CAP1: variants seen among roughly 807,000 people sequenced by gnomAD.
CAP1 encodes cyclase associated actin cytoskeleton regulatory protein 1, also known as adenylyl cyclase-associated protein 1.
In CAP1, 11 loss-of-function variants were observed where a neutral mutation model predicts 58.2. That is an observed-to-expected ratio of 0.19 (90% CI 0.12 to 0.31). The LOEUF is 0.31. Ranked by LOEUF, CAP1 falls within the 10% of genes least tolerant of loss-of-function variation. The probability of loss-of-function intolerance (pLI) is 1.00; values close to 1 mark genes in which losing one functional copy is unlikely to be tolerated. For synonymous variants in CAP1, 183 were observed against 213.8 expected, an observed-to-expected ratio of 0.86 and a Z score of 1.26; for missense variants, 423 against 587.5, an observed-to-expected ratio of 0.72 and a Z score of 2.89.
intron 9 of CAP1, 31 bp downstream of exon 9, chr1:40,069,905 T>C (rs1186951365): frequency 6.6e-7 from 1 of 1,508,924 alleles, no homozygotes; most frequent in African/African-American, 1.4e-5. Context: ...CAGGGGCAGG[T>C]ATTTTTATTA....
intron 12 of CAP1, 144 bp downstream of exon 12, chr1:40,071,123 T>C (rs1647887947): frequency 7.6e-6 from 6 of 789,954 alleles, no homozygotes; most frequent in Non-Finnish European, 1.2e-5. Flanking sequence ...AGAAATGAGG[T>C]AGTCCCATGT....
At position 40,060,035 on chromosome 1, in the gene CAP1, T is replaced by C. The variant is rs905962733; in HGVS notation, c.113-32T>C. The C allele has an allele frequency of 5.8e-6, 9 of 1,561,944 alleles. No individual in the cohort carries two copies. In the African/African-American group the frequency reaches 1.2e-4, roughly 21 times the overall value. On this transcript the variant is annotated intron_variant, in intron 2 of 12. Coordinates refer to ENST00000372805, the MANE Select transcript of CAP1 (RefSeq NM_006367.4). Reference sequence around the variant, plus strand: ...TTTAAAGAAGCCTCCTTCTGATGCATGGCTGATTCTTTGTGGTGTGTTTGT... The same window carrying C: ...TTTAAAGAAGCCTCCTTCTGATGCACGGCTGATTCTTTGTGGTGTGTTTGT...
chr1:40,071,759 TC>T lies in CAP1; in HGVS notation c.*227del, dbSNP rs201511448. On this transcript the variant is annotated 3_prime_UTR_variant, in exon 13 of 13. Coordinates refer to ENST00000372805, the MANE Select transcript of CAP1 (RefSeq NM_006367.4). ...GAAGGTGCAGCTTTTCCATATCAGC[TC>T]AACCACGCCGCCAGTCCATTCTTAA... The T allele has an allele frequency of 7.0e-3, 3,917 of 556,382 alleles. 14 individuals carry two copies. The highest frequency in any genetic ancestry group is 0.011 in the Admixed American group (322 of 30,064). The allele number at this position is 556,382 out of a possible 1,614,324, so 34.5% of individuals were successfully genotyped here.
At chr1:40,062,007 A>G (rs2124367711) in intron 4 of CAP1, among the ~76,000 whole-genome samples, 195 bp downstream of exon 4, 1 of 152,284 alleles carries the variant, frequency 6.6e-6, no homozygotes, top group South Asian at 2.1e-4. Context: ...AATGGTCTCT[A>G]CTGGCTTTTT....
Position 40,071,433 on chromosome 1 carries a change from C to G in CAP1, c.1345-17C>G. ...TTTAGCTCAGATTTAAACCTGCTGTCTCTTCTTTATTTGCAGAATGAATTC... is the reference window on the plus strand; with the variant it reads ...TTTAGCTCAGATTTAAACCTGCTGTGTCTTCTTTATTTGCAGAATGAATTC... On this transcript the variant is annotated splice_polypyrimidine_tract_variant and intron_variant, in intron 12 of 12. Transcript: ENST00000372805. 1 of 1,585,986 alleles carries G rather than the reference C, an allele frequency of 6.3e-7. No individual in the cohort carries two copies. The highest frequency in any genetic ancestry group is 1.1e-5 in the South Asian group (1 of 90,074).
Position 40,067,692 on chromosome 1 carries a change from T to C in CAP1, c.783T>C (p.Ile261=), listed in dbSNP as rs750665088. The C allele has an allele frequency of 1.4e-5, 23 of 1,599,634 alleles. No homozygotes were observed. Among genetic ancestry groups the C allele is most frequent in the Non-Finnish European group, 8.5e-7 (1 of 1,173,042 alleles). The part of the protein sequence containing the change: ...SASRSSLFAQ[I]NQGESITHAL... ...CCCGCTCATCACTGTTCGCGCAGAT[T>C]AATCAGGGGGAGAGCATTACACATG... The change falls in exon 8 of 13, where the codon ATT becomes ATC. Residue 261 remains isoleucine (I), a synonymous_variant. Coordinates refer to ENST00000372805, the MANE Select transcript of CAP1 (RefSeq NM_006367.4).
chr1:40,064,106 T>G (rs1646973050), intron 4 of CAP1, 121 bp from the exon 5 acceptor site: 1 of 856,228 alleles, frequency 1.2e-6, no homozygotes, highest in East Asian at 2.5e-5. Context: ...AGGACAGGAC[T>G]CATGCAGTTT....
At chr1:40,056,770 G>A (rs561008082) in intron 1 of CAP1, among the ~76,000 whole-genome samples, 2 of 152,084 alleles carry the variant, frequency 1.3e-5, no homozygotes, top group East Asian at 1.9e-4. Flanking sequence ...AAGAATGTAC[G>A]TGTGTATAGA....
At chr1:40,071,063 C>T (rs1647863143) in intron 12 of CAP1, 84 bp downstream of exon 12, 4 of 1,300,296 alleles carry the variant, frequency 3.1e-6, no homozygotes, top group Non-Finnish European at 3.2e-6. Flanking sequence ...ATTTTATGAA[C>T]ATTCTGCACT....
At chr1:40,049,255 C>T (rs1043551000) in intron 1 of CAP1, among the ~76,000 whole-genome samples, 13 of 135,764 alleles carry the variant, frequency 9.6e-5, no homozygotes, top group Admixed American at 2.5e-4. Flanking sequence ...GGCGCGATCT[C>T]GGCTCACTGC....
In CAP1 at chr1:40,055,043, C is replaced by T. The variant is rs536524963; in HGVS notation, c.-10-4294C>T. Among the ~76,000 whole-genome samples the T allele has an allele frequency of 1.2e-4, 19 of 152,282 alleles. No homozygotes were observed. The South Asian group carries it at 1.7e-3, about 13-fold the overall frequency. On this transcript the variant is annotated intron_variant, in intron 1 of 12. Coordinates refer to ENST00000372805, the MANE Select transcript of CAP1 (RefSeq NM_006367.4). ...GTAGCACATACTAGAAATACTTCCC[C>T]AGGAGGTGATAACTTAGCTGAGACT...
intron 1 of CAP1, among the ~76,000 whole-genome samples, chr1:40,057,011 C>T (rs1016725401): frequency 4.6e-5 from 7 of 151,964 alleles, no homozygotes; most frequent in Admixed American, 2.0e-4. Context: ...AGTCAGACAG[C>T]GGAACTTTAG....
At chr1:40,046,555 A>T (rs1646115547) in intron 1 of CAP1, among the ~76,000 whole-genome samples, 1 of 152,234 alleles carries the variant, frequency 6.6e-6, no homozygotes, top group Non-Finnish European at 1.5e-5. Flanking sequence ...TGATAAAATT[A>T]TACAGTCATG....
chr1:40,064,518 C>T lies in CAP1; in HGVS notation c.483C>T (p.Ala161=). The change falls in exon 6 of 13, where the codon GCC becomes GCT. Residue 161 remains alanine (A), a synonymous_variant. Coordinates refer to ENST00000372805, the MANE Select transcript of CAP1 (RefSeq NM_006367.4). The part of the protein sequence containing the change: ...GPYVKEMNDA[A]MFYTNRVLKE... ...ATGTGAAAGAAATGAATGATGCCGCCATGTTTTATACAAACCGAGTCCTCA... is the reference window on the plus strand; with the variant it reads ...ATGTGAAAGAAATGAATGATGCCGCTATGTTTTATACAAACCGAGTCCTCA... The T allele has an allele frequency of 1.9e-6, 3 of 1,613,844 alleles. No homozygotes were observed. The South Asian group carries it at 3.3e-5, about 18-fold the overall frequency.
At chr1:40,063,999 A>G (rs1158492708) in intron 4 of CAP1, among the ~76,000 whole-genome samples, 1 of 152,202 alleles carries the variant, frequency 6.6e-6, no homozygotes, top group African/African-American at 2.4e-5. Context: ...TAGCTGAAGT[A>G]TGGGTCCTGA....
upstream of CAP1, chr1:40,040,572 C>G (rs1400653913): frequency 6.5e-6 from 1 of 152,728 alleles, no homozygotes; most frequent in Non-Finnish European, 1.5e-5. Flanking sequence ...TCTGTGAGAG[C>G]CGGGCCGCTC....
At chr1:40,051,232 A>G (rs1402460829) in intron 1 of CAP1, among the ~76,000 whole-genome samples, 4 of 152,216 alleles carry the variant, frequency 2.6e-5, no homozygotes, top group African/African-American at 4.8e-5. Flanking sequence ...CCCTAATCCA[A>G]CTGGATATTC....
intron 4 of CAP1, among the ~76,000 whole-genome samples, chr1:40,062,168 G>A (rs1213891243): frequency 6.6e-6 from 1 of 152,066 alleles, no homozygotes; most frequent in Admixed American, 6.6e-5. Flanking sequence ...CTCCTGTGGA[G>A]ATCTTAAAAC....
At position 40,040,778 on chromosome 1, in the gene CAP1, C is replaced by G. The variant is rs996854025; in HGVS notation, c.-34C>G. On this transcript the variant is annotated 5_prime_UTR_variant, in exon 1 of 13. Coordinates refer to ENST00000372805, the MANE Select transcript of CAP1 (RefSeq NM_006367.4). ...GAAGCGGAGAGCGGCTGATCGCAGT[C>G]CGGAGGTGAGGCGGAACTCTGAGGT... 1 of 153,122 alleles carries G rather than the reference C, an allele frequency of 6.5e-6. No homozygotes were observed. Among genetic ancestry groups the G allele is most frequent in the African/African-American group, 2.4e-5 (1 of 41,466 alleles). The allele number at this position is 153,122 out of a possible 1,614,324, so 9.5% of individuals were successfully genotyped here.
Sources: gnomAD v4.1 joint callset for allele counts (sites outside exome capture counted in the v4.1 genomes callset) on GRCh38, gnomAD v4.1.1 for gene constraint, MANE v1.5 for transcripts, NCBI Gene and HGNC (gene_info 2026-07-23, HGNC 2026-07-21) for gene names.